Variants in LRMDA observed in about 807,000 individuals in gnomAD.
LRMDA encodes leucine rich melanocyte differentiation associated, also known as leucine-rich melanocyte differentiation-associated protein.
In LRMDA, 18 loss-of-function variants were observed where a neutral mutation model predicts 29.8. The observed-to-expected ratio is 0.60, with a 90% CI of 0.42 to 0.90. The LOEUF is 0.90. Among genes scored for constraint, LRMDA ranks in the 40% least tolerant of loss-of-function variants. LRMDA has a pLI of 0.00. For synonymous variants in LRMDA, 125 were observed against 109.4 expected (o/e 1.14, Z -0.89); for missense variants, 273 against 273.9 (o/e 1.00, Z 0.02).
At chr10:75,628,843 C>G (rs957444287) in intron 2 of LRMDA, among the ~76,000 whole-genome samples, 1 of 152,206 alleles carries the variant, frequency 6.6e-6, no homozygotes, top group Non-Finnish European at 1.5e-5. Flanking sequence ...CTGAGTAATG[C>G]TGAGAAGGTG....
rs1227779753 is a variant in LRMDA at position 75,926,055 on chromosome 10, C to G, written c.132-109953C>G. On this transcript the variant is annotated intron_variant, in intron 2 of 6. Coordinates refer to ENST00000611255, the MANE Select transcript of LRMDA (RefSeq NM_001305581.2). ...CAGTCATTGAATTAGAATTCAAATT[C>G]AGGTAGTCTGGTAGCAGAGTCCATT... 2.0e-5 allele frequency among the ~76,000 whole-genome samples: 3 copies of G among 152,298 alleles called. No individual in the cohort carries two copies. In the East Asian group the frequency reaches 5.8e-4, roughly 29 times the overall value.
chr10:76,320,795 A>C (rs1380519945), intron 5 of LRMDA, among the ~76,000 whole-genome samples: 1 of 152,254 alleles, frequency 6.6e-6, no homozygotes, highest in South Asian at 2.1e-4. Flanking sequence ...TTCTCTCCAC[A>C]TCACACTAGC....
At chr10:76,550,938 A>T (rs1368651469) in intron 6 of LRMDA, among the ~76,000 whole-genome samples, 1 of 152,230 alleles carries the variant, frequency 6.6e-6, no homozygotes, top group Non-Finnish European at 1.5e-5. Flanking sequence ...TGTGATAGCC[A>T]CAGCAGAGCT....
intron 2 of LRMDA, among the ~76,000 whole-genome samples, chr10:75,751,054 C>T (rs1351989981): frequency 6.6e-6 from 1 of 152,264 alleles, no homozygotes; most frequent in Non-Finnish European, 1.5e-5. Context: ...GAGACTCCGT[C>T]TGCAATCCCG....
chr10:75,745,549 G>A (rs1842881183), intron 2 of LRMDA, among the ~76,000 whole-genome samples: 1 of 152,126 alleles, frequency 6.6e-6, no homozygotes, highest in South Asian at 2.1e-4. Flanking sequence ...TGCAAAGATA[G>A]TACAGAGCAT....
intron 2 of LRMDA, among the ~76,000 whole-genome samples, chr10:76,024,653 C>G (rs1175161560): frequency 6.6e-6 from 1 of 152,184 alleles, no homozygotes; most frequent in Non-Finnish European, 1.5e-5. Flanking sequence ...TCCAGGGGGG[C>G]CCTGCCCGTG....
intron 6 of LRMDA, among the ~76,000 whole-genome samples, chr10:76,502,980 G>A (rs932421824): frequency 6.6e-6 from 1 of 151,860 alleles, no homozygotes; most frequent in Non-Finnish European, 1.5e-5. Flanking sequence ...AGTTCTCCCA[G>A]GGAATAATGC....
At chr10:75,701,186 G>A (rs1019918006) in intron 2 of LRMDA, among the ~76,000 whole-genome samples, 3 of 152,168 alleles carry the variant, frequency 2.0e-5, no homozygotes, top group African/African-American at 7.2e-5. Context: ...CTTGTGGCAG[G>A]CAGCTTTAGG....
intron 4 of LRMDA, among the ~76,000 whole-genome samples, chr10:76,057,345 G>T (rs1848632970): frequency 6.6e-6 from 1 of 152,128 alleles, no homozygotes; most frequent in African/African-American, 2.4e-5. Flanking sequence ...TATCCCTAAG[G>T]CCTGGCACAT....
At position 76,033,817 on chromosome 10, in the gene LRMDA, A is replaced by G. The variant is rs1274357446; in HGVS notation, c.132-2191A>G. On this transcript the variant is annotated intron_variant, in intron 2 of 6. Coordinates refer to ENST00000611255, the MANE Select transcript of LRMDA (RefSeq NM_001305581.2). ...TTTGGCACATCACTCCCTAACCCCT[A>G]GTGGAGGAAGGGACTTCAGAAGAGC... is the stretch of plus-strand genomic sequence containing the variant. 2.0e-5 allele frequency among the ~76,000 whole-genome samples: 3 copies of G among 151,920 alleles called. No homozygotes were observed. The East Asian group carries it at 5.8e-4, about 29-fold the overall frequency.
chr10:76,165,147 A>G (rs1451395056), intron 5 of LRMDA, among the ~76,000 whole-genome samples: 1 of 152,030 alleles, frequency 6.6e-6, no homozygotes, highest in Non-Finnish European at 1.5e-5. Flanking sequence ...TAATTTCTGT[A>G]TTTTAAGTAG....
At chr10:76,086,509 C>A (rs1849138135) in intron 5 of LRMDA, among the ~76,000 whole-genome samples, 1 of 152,172 alleles carries the variant, frequency 6.6e-6, no homozygotes, top group Non-Finnish European at 1.5e-5. Context: ...CTTAGGCATG[C>A]AATTGTCAGT....
intron 6 of LRMDA, among the ~76,000 whole-genome samples, chr10:76,433,466 G>A (rs1293951888): frequency 1.3e-5 from 2 of 152,200 alleles, no homozygotes; most frequent in Non-Finnish European, 2.9e-5. Flanking sequence ...GGGAGGACCT[G>A]GCGTGCATTT....
chr10:75,657,459 T>C (rs1203255550), intron 2 of LRMDA, among the ~76,000 whole-genome samples: 1 of 152,162 alleles, frequency 6.6e-6, no homozygotes, highest in Non-Finnish European at 1.5e-5. Context: ...GGCCAGGTAC[T>C]AGAGAGCCAC....
chr10:75,581,326 CAATT>C (rs1223328561), intron 2 of LRMDA, among the ~76,000 whole-genome samples: 1 of 152,162 alleles, frequency 6.6e-6, no homozygotes, highest in Non-Finnish European at 1.5e-5. Context: ...AGCTCATCAT[CAATT>C]GTCATTAGGT....
At chr10:76,145,444 T>C (rs1252295709) in intron 5 of LRMDA, among the ~76,000 whole-genome samples, 1 of 152,130 alleles carries the variant, frequency 6.6e-6, no homozygotes, top group Non-Finnish European at 1.5e-5. Flanking sequence ...AAGGAATTTA[T>C]CTATTTCTTC....
rs183506187 is a variant in LRMDA, at chr10:76,401,980, C to G, written c.601+77495C>G. ...GTCGGGGGAAACAGCAAACAACAGA[C>G]AATAAACAAGATGATTTCAGAAAGT... On this transcript the variant is annotated intron_variant, in intron 6 of 6. Transcript: ENST00000611255. Among the ~76,000 whole-genome samples the G allele has an allele frequency of 9.9e-5, 15 of 152,052 alleles. 1 individual carries two copies. The Middle Eastern group carries it at 0.01, about 103-fold the overall frequency.
intron 3 of LRMDA, among the ~76,000 whole-genome samples, chr10:76,046,167 G>C (rs897972331): frequency 2.0e-5 from 3 of 152,102 alleles, no homozygotes; most frequent in Non-Finnish European, 4.4e-5. Context: ...TCGAAGTCAC[G>C]GCCTAACCAG....
In LRMDA at chr10:75,915,230, G is replaced by T. The variant is rs1210929261; in HGVS notation, c.132-120778G>T. Among the ~76,000 whole-genome samples, 12 of 143,346 alleles carry T rather than the reference G, an allele frequency of 8.4e-5. 1 individual carries two copies. 94.0% of individuals were successfully genotyped at this position (143,346 alleles called of 152,430 possible). A position where few individuals can be genotyped will look rare whatever the true frequency, so the allele number is the denominator to read the frequency against. On this transcript the variant is annotated intron_variant, in intron 2 of 6. Transcript: ENST00000611255. ...TCAGCACTGCAACCTCTGTCTCCCA[G>T]GTTCAAGCAATTCTCCTGCCTCAGC...
Sources: gnomAD v4.1 joint callset for allele counts (sites outside exome capture counted in the v4.1 genomes callset) on GRCh38, gnomAD v4.1.1 for gene constraint, MANE v1.5 for transcripts, NCBI Gene and HGNC (gene_info 2026-07-23, HGNC 2026-07-21) for gene names.